NDST4: variants seen among roughly 807,000 people sequenced by gnomAD.
NDST4 encodes N-heparan sulfate sulfotransferase 4.
A neutral mutation model predicts 100.8 loss-of-function variants in NDST4; 63 were observed. The ratio of observed to expected loss-of-function variants is 0.62; its 90% CI spans 0.51 to 0.77. The LOEUF (loss-of-function observed/expected upper bound fraction) is 0.77. Ranked by LOEUF, NDST4 falls within the 30% of genes least tolerant of loss-of-function variation. NDST4 has a pLI of 0.00. For synonymous variants in NDST4, 377 were observed against 361.8 expected, an observed-to-expected ratio of 1.04 and a Z score of -0.48; for missense variants, 943 against 1,018.4, an observed-to-expected ratio of 0.93 and a Z score of 1.01.
chr4:115,099,391 G>T (rs980480317), intron 1 of NDST4, among the ~76,000 whole-genome samples: 3 of 151,686 alleles, frequency 2.0e-5, no homozygotes, highest in Non-Finnish European at 2.9e-5. Context: ...TACAAACTGG[G>T]AGAAAATATT....
At position 115,052,018 on chromosome 4, in the gene NDST4, T is replaced by C. The variant is rs138736638; in HGVS notation, c.978+24041A>G. Among the ~76,000 whole-genome samples, 201 of 152,280 alleles carry C rather than the reference T, an allele frequency of 1.3e-3. 2 individuals carry two copies. Among genetic ancestry groups the C allele is most frequent in the African/African-American group, 4.7e-3 (195 of 41,568 alleles). ...ATATCATTGTAATTTTGATTTGCAT[T>C]TCTCTGATGATTAGTGATGTGAGCA... is the stretch of plus-strand genomic sequence containing the variant. On this transcript the variant is annotated intron_variant, in intron 2 of 13. Transcript: ENST00000264363.
rs144197982 is a variant in NDST4 at position 114,977,196 on chromosome 4, A to G, written c.1057T>C (p.Tyr353His). 134 of 1,604,984 alleles carry G rather than the reference A, an allele frequency of 8.3e-5. No individual in the cohort carries two copies. The African/African-American group carries it at 1.6e-3, about 19-fold the overall frequency. Residue 353 changes from tyrosine to histidine, a missense_variant, in exon 3 of 14, where the codon TAC becomes CAC. Tyr to His is a moderately conservative substitution (Grantham distance 83). This residue lies in a region of NDST4 where 526 missense variants were observed against 634.1 expected (regional missense o/e 0.83). Coordinates refer to ENST00000264363, the MANE Select transcript of NDST4 (RefSeq NM_022569.3). ...TFNLGFSGKFYHTGTEEEDEG... is the reference protein window; with the variant it reads ...TFNLGFSGKFHHTGTEEEDEG... The stretch of plus-strand genomic sequence containing the variant: ...CAAAGCTCCTTCTTACCTGTGTGGT[A>G]AAACTTCCCTGAAAATCCAAGGTTG...
chr4:114,921,134 A>G (rs1018772860), intron 6 of NDST4, among the ~76,000 whole-genome samples: 1 of 152,222 alleles, frequency 6.6e-6, no homozygotes, highest in Non-Finnish European at 1.5e-5. Flanking sequence ...ACACCTTAAA[A>G]CCATCAACAC....
chr4:114,832,825 A>T (rs1723228615), intron 12 of NDST4, among the ~76,000 whole-genome samples: 1 of 152,208 alleles, frequency 6.6e-6, no homozygotes. Context: ...AGCCACCACA[A>T]GGTGAGAAAG....
chr4:115,012,191 T>A (rs1344437668), intron 2 of NDST4, among the ~76,000 whole-genome samples: 1 of 152,008 alleles, frequency 6.6e-6, no homozygotes, highest in African/African-American at 2.4e-5. Flanking sequence ...AAACAAATGA[T>A]AATTTATCAA....
intron 2 of NDST4, among the ~76,000 whole-genome samples, chr4:115,013,002 A>T (rs115843997): frequency 0.014 from 2,066 of 151,574 alleles, 42 homozygotes; most frequent in African/African-American, 0.046. Flanking sequence ...GCTAAAAATT[A>T]AAACGATTGA....
rs765648565 is a variant in NDST4 at position 115,077,070 on chromosome 4, A to G, written c.-34T>C. ...ATAATGTTTTGGAAGCTTTTTCCCA[A>G]TTTCGTTTCCTAAAGTGCCATAGTG... On this transcript the variant is annotated 5_prime_UTR_variant, in exon 2 of 14. Transcript: ENST00000264363. 2.6e-6 allele frequency: 4 copies of G among 1,546,690 alleles called. No homozygotes were observed. In the South Asian group the frequency reaches 5.1e-5, roughly 20 times the overall value.
intron 2 of NDST4, among the ~76,000 whole-genome samples, chr4:115,060,237 A>G (rs1198469927): frequency 6.6e-6 from 1 of 152,018 alleles, no homozygotes; most frequent in Non-Finnish European, 1.5e-5. Context: ...CAGCCTAAAA[A>G]AAGTTTATGG....
intron 6 of NDST4, among the ~76,000 whole-genome samples, chr4:114,886,258 T>C (rs1396304871): frequency 6.6e-6 from 1 of 152,146 alleles, no homozygotes; most frequent in Non-Finnish European, 1.5e-5. Flanking sequence ...AATGGTTAGC[T>C]GCAGGGCATC....
In NDST4 at chr4:115,077,103, T is replaced by TATGAGA. The variant is rs2126290048; in HGVS notation, c.-73_-68dup. On this transcript the variant is annotated 5_prime_UTR_variant, in exon 2 of 14. Transcript: ENST00000264363. ...TCCTAAAGTGCCATAGTGAATAAAG[T>TATGAGA]ATGAGATGTTGCAAATATCACTTCC... 7.2e-7 allele frequency: 1 copy of TATGAGA among 1,397,728 alleles called. No individual in the cohort carries two copies. Among genetic ancestry groups the TATGAGA allele is most frequent in the Admixed American group, 2.4e-5 (1 of 41,048 alleles). The allele number at this position is 1,397,728 out of a possible 1,614,324, so 86.6% of individuals were successfully genotyped here.
chr4:114,986,945 T>G (rs1726928397), intron 2 of NDST4, among the ~76,000 whole-genome samples: 1 of 151,160 alleles, frequency 6.6e-6, no homozygotes, highest in Admixed American at 6.6e-5. Context: ...GGTCATTGTT[T>G]GTGTGGCATA....
intron 1 of NDST4, among the ~76,000 whole-genome samples, chr4:115,093,440 A>G (rs745406596): frequency 6.6e-6 from 1 of 151,980 alleles, no homozygotes; most frequent in Non-Finnish European, 1.5e-5. Context: ...GCGCCACTGC[A>G]CTCCAGCCTG....
chr4:114,935,258 A>C lies in NDST4; in HGVS notation c.1484T>G (p.Leu495Arg). The C allele has an allele frequency of 3.7e-6, 6 of 1,610,954 alleles. No homozygotes were observed. Among genetic ancestry groups the C allele is most frequent in the Non-Finnish European group, 5.1e-6 (6 of 1,178,598 alleles). ...YKEYPGGPQE[L>R]DKSIRGGELF... ...TTCACCTCCTCTGATACTTTTATCC[A>C]GTTCTTGGGGTCCTCCTGGATATTC... The change falls in exon 6 of 14, where the codon CTG (leucine) becomes CGG (arginine). Residue 495 changes from leucine to arginine, a missense_variant. Coordinates refer to ENST00000264363, the MANE Select transcript of NDST4 (RefSeq NM_022569.3).
chr4:114,951,403 T>C (rs1461917078), intron 4 of NDST4, among the ~76,000 whole-genome samples: 1 of 152,086 alleles, frequency 6.6e-6, no homozygotes, highest in East Asian at 1.9e-4. Flanking sequence ...GAATATTACA[T>C]AACCTTGAAA....
intron 2 of NDST4, among the ~76,000 whole-genome samples, chr4:115,022,993 C>T (rs1053336829): frequency 8.6e-5 from 13 of 151,994 alleles, no homozygotes; most frequent in Non-Finnish European, 1.2e-4. Flanking sequence ...CAGACTGATA[C>T]GCCAAACATT....
At chr4:115,095,450 T>C (rs1729601182) in intron 1 of NDST4, among the ~76,000 whole-genome samples, 1 of 152,166 alleles carries the variant, frequency 6.6e-6, no homozygotes, top group Non-Finnish European at 1.5e-5. Context: ...CTCTCTGGTA[T>C]ATGTTTTCTC....
chr4:114,886,557 A>G (rs910396223), intron 6 of NDST4, among the ~76,000 whole-genome samples: 3 of 152,162 alleles, frequency 2.0e-5, no homozygotes, highest in African/African-American at 7.2e-5. Flanking sequence ...TAAAGCTAAT[A>G]TAACAAAAAA....
At chr4:114,848,159 C>T (rs943132940) in intron 9 of NDST4, 56 bp downstream of exon 9, 7 of 1,459,424 alleles carry the variant, frequency 4.8e-6, no homozygotes, top group Middle Eastern at 2.0e-4. Context: ...TGTAATTGCT[C>T]TGCAGTGATT....
At position 114,848,335 on chromosome 4, in the gene NDST4, G is replaced by C. The variant is rs751741562; in HGVS notation, c.1820C>G (p.Thr607Arg). The C allele has an allele frequency of 6.3e-7, 1 of 1,577,242 alleles. No homozygotes were observed. The highest frequency in any genetic ancestry group is 8.6e-7 in the Non-Finnish European group (1 of 1,164,268). ...AAGAAGAAATAAATAAAGTGCAGTT[G>C]TTCCTGTTACAAAAAAAGAAAGTAA... ...FLVIGPQKTGTTALYLFLLMH... is the reference protein window; with the variant it reads ...FLVIGPQKTGRTALYLFLLMH... Residue 607 changes from threonine (T) to arginine (R), a missense_variant, in exon 9 of 14, where the codon ACA becomes AGA. Thr to Arg is a moderately conservative substitution (Grantham distance 71). Transcript: ENST00000264363.
Sources: allele counts gnomAD v4.1 joint callset (sites outside exome capture counted in the v4.1 genomes callset), GRCh38; gene constraint gnomAD v4.1.1; regional missense constraint gnomAD v4.1.1; transcripts MANE v1.5; gene names NCBI Gene and HGNC (gene_info 2026-07-23, HGNC 2026-07-21).